Variants in TNNI3K observed in about 807,000 individuals in gnomAD.
The protein encoded by TNNI3K is serine/threonine-protein kinase TNNI3K.
In TNNI3K, 140 loss-of-function variants were observed where a neutral mutation model predicts 114.5. The observed-to-expected ratio is 1.22, with a 90% CI of 1.07 to 1.41. The LOEUF (loss-of-function observed/expected upper bound fraction) is 1.41. Ranked by LOEUF, TNNI3K falls within the 40% of genes most tolerant of loss-of-function variation. The pLI is 0.00. For missense variants in TNNI3K, 1,125 were observed against 1,007.6 expected (o/e 1.12, Z -1.58); for synonymous variants, 347 against 347.5 (o/e 1.00, Z 0.02).
At chr1:74,522,503 C>G (rs1646446943) in intron 23 of TNNI3K, among the ~76,000 whole-genome samples, 1 of 152,104 alleles carries the variant, frequency 6.6e-6, no homozygotes, top group Admixed American at 6.6e-5. Context: ...ATGACTAATT[C>G]TCCCCACGCA....
intron 20 of TNNI3K, among the ~76,000 whole-genome samples, chr1:74,451,656 T>C (rs1039921563): frequency 6.1e-5 from 5 of 81,964 alleles, no homozygotes; most frequent in African/African-American, 1.6e-4. Context: ...CTTTCCTTTC[T>C]TTTTTCTTTT....
intron 23 of TNNI3K, among the ~76,000 whole-genome samples, chr1:74,531,959 G>C (rs982178090): frequency 2.0e-5 from 3 of 152,176 alleles, no homozygotes; most frequent in Admixed American, 6.6e-5. Context: ...ATCATCCAGA[G>C]TACAGGTAGC....
intron 5 of TNNI3K, among the ~76,000 whole-genome samples, chr1:74,277,650 G>C (rs761386428): frequency 1.3e-5 from 2 of 152,070 alleles, no homozygotes; most frequent in Non-Finnish European, 2.9e-5. Flanking sequence ...CTGGTGTTAC[G>C]TGCTGTAGTT....
At chr1:74,441,296 T>C (rs1666365059) in intron 20 of TNNI3K, among the ~76,000 whole-genome samples, 1 of 152,166 alleles carries the variant, frequency 6.6e-6, no homozygotes, top group African/African-American at 2.4e-5. Context: ...TCTGTCCGGA[T>C]AAGCTTACTT....
At chr1:74,349,571 G>A (rs554412432) in intron 9 of TNNI3K, among the ~76,000 whole-genome samples, 1 of 152,260 alleles carries the variant, frequency 6.6e-6, no homozygotes, top group Admixed American at 6.5e-5. Context: ...TGTACCTCTG[G>A]TAGAATTCGG....
chr1:74,286,730 T>C (rs1657356308), intron 5 of TNNI3K, among the ~76,000 whole-genome samples: 2 of 152,108 alleles, frequency 1.3e-5, no homozygotes, highest in African/African-American at 4.8e-5. Flanking sequence ...TCAGAATCTC[T>C]GGACAAGCTG....
At chr1:74,422,138 G>A (rs996327138) in intron 17 of TNNI3K, among the ~76,000 whole-genome samples, 3 of 151,846 alleles carry the variant, frequency 2.0e-5, no homozygotes, top group African/African-American at 7.3e-5. Flanking sequence ...AAGAGTTAAT[G>A]TCTTCAGGAG....
Position 74,509,747 on chromosome 1 carries a change from CTTTTTTTTTTTTT to C in TNNI3K, c.2351+17499_2351+17511del, listed in dbSNP as rs68193106. 2.7e-3 allele frequency among the ~76,000 whole-genome samples: 128 copies of C among 47,832 alleles called. 2 individuals are homozygous for C. Among genetic ancestry groups the C allele is most frequent in the Middle Eastern group, 0.024 (1 of 42 alleles). The allele number at this position is 47,832 out of a possible 152,430, so 31.4% of individuals were successfully genotyped here. A position where few individuals can be genotyped will look rare whatever the true frequency, so the allele number is the denominator to read the frequency against. ...TTCTGGTTTTGAGTGATCTGAATTTCTTTTTTTTTTTTTTTTTTTTTTTTTTTTTTGAGACAGG... is the reference window on the plus strand; with the variant it reads ...TTCTGGTTTTGAGTGATCTGAATTTCTTTTTTTTTTTTTTTTTGAGACAGG... On this transcript the variant is annotated intron_variant, in intron 23 of 24. Coordinates refer to ENST00000326637, the MANE Select transcript of TNNI3K (RefSeq NM_015978.3).
At chr1:74,485,392 T>A (rs1347533493) in intron 21 of TNNI3K, among the ~76,000 whole-genome samples, 4 of 152,154 alleles carry the variant, frequency 2.6e-5, no homozygotes, top group African/African-American at 9.6e-5. Context: ...CTCATGGATG[T>A]GTGGTTCAGG....
At chr1:74,481,188 AT>A (rs1447468653) in intron 21 of TNNI3K, among the ~76,000 whole-genome samples, 2 of 152,224 alleles carry the variant, frequency 1.3e-5, no homozygotes, top group East Asian at 1.9e-4. Context: ...CTGCTGTGAC[AT>A]GTTTGTTTGA....
rs1659936326 is a variant in TNNI3K at position 74,326,902 on chromosome 1, G to A, written c.445-4548G>A. The stretch of plus-strand genomic sequence containing the variant: ...TCTAGACCATCCTTGCCAACATAGT[G>A]AAAACCTGTCTCTACTAAAAATACA... On this transcript the variant is annotated intron_variant, in intron 5 of 24. Coordinates refer to ENST00000326637, the MANE Select transcript of TNNI3K (RefSeq NM_015978.3). Among the ~76,000 whole-genome samples the A allele has an allele frequency of 2.0e-5, 3 of 151,966 alleles. No individual in the cohort carries two copies. In the South Asian group the frequency reaches 6.2e-4, roughly 32 times the overall value.
intron 2 of TNNI3K, among the ~76,000 whole-genome samples, chr1:74,248,408 G>A (rs142781262): frequency 1.1e-4 from 16 of 152,300 alleles, no homozygotes; most frequent in South Asian, 4.1e-4. Flanking sequence ...AGTTGGCACC[G>A]TGGCCTGAGG....
intron 17 of TNNI3K, among the ~76,000 whole-genome samples, chr1:74,380,758 G>A (rs968437377): frequency 6.6e-6 from 1 of 152,116 alleles, no homozygotes; most frequent in African/African-American, 2.4e-5. Context: ...GCACCTTGTC[G>A]ATTTCCTAAG....
intron 5 of TNNI3K, among the ~76,000 whole-genome samples, chr1:74,296,786 C>T (rs1217385682): frequency 2.0e-5 from 3 of 152,072 alleles, no homozygotes; most frequent in Non-Finnish European, 2.9e-5. Context: ...GTCAAGCAAC[C>T]AATCATCAAT....
At chr1:74,445,093 C>A (rs927390226) in intron 20 of TNNI3K, among the ~76,000 whole-genome samples, 1 of 152,030 alleles carries the variant, frequency 6.6e-6, no homozygotes, top group African/African-American at 2.4e-5. Context: ...AGAAGAAAAT[C>A]TAGGCAAGAC....
At chr1:74,446,847 T>A (rs1485135763) in intron 20 of TNNI3K, among the ~76,000 whole-genome samples, 1 of 149,512 alleles carries the variant, frequency 6.7e-6, no homozygotes, top group Non-Finnish European at 1.5e-5. Flanking sequence ...GATCAGATAG[T>A]TGTAGGTATG....
chr1:74,346,881 G>T lies in TNNI3K; in HGVS notation c.932+3702G>T, dbSNP rs189915228. Among the ~76,000 whole-genome samples the T allele has an allele frequency of 1.0e-3, 154 of 151,818 alleles. 1 individual carries two copies. Among genetic ancestry groups the T allele is most frequent in the African/African-American group, 3.6e-3 (150 of 41,394 alleles). On this transcript the variant is annotated intron_variant, in intron 9 of 24. Coordinates refer to ENST00000326637, the MANE Select transcript of TNNI3K (RefSeq NM_015978.3). ...TGTGTCTTCACATGGCTGCCTCTCT[G>T]TCAATGTCACCTGTGTCTTAATCCC...
intron 17 of TNNI3K, among the ~76,000 whole-genome samples, chr1:74,412,506 A>G (rs999730185): frequency 6.6e-6 from 1 of 152,176 alleles, no homozygotes; most frequent in Non-Finnish European, 1.5e-5. Flanking sequence ...CAGCCAGAGT[A>G]GGAGGTTGCT....
chr1:74,478,260 G>A (rs1668303335), intron 21 of TNNI3K, among the ~76,000 whole-genome samples: 1 of 152,074 alleles, frequency 6.6e-6, no homozygotes, highest in Non-Finnish European at 1.5e-5. Flanking sequence ...ACAATTATTT[G>A]ATGAAAGATA....
Sources: gnomAD v4.1 joint callset for allele counts (sites outside exome capture counted in the v4.1 genomes callset) on GRCh38, gnomAD v4.1.1 for gene constraint, MANE v1.5 for transcripts, NCBI Gene and HGNC (gene_info 2026-07-23, HGNC 2026-07-21) for gene names.